Variants in GPC5 observed in about 807,000 individuals in gnomAD.
The protein encoded by GPC5 is glypican-5.
GPC5 carries 47 observed loss-of-function variants against 53.9 expected under a neutral mutation model. That is an observed-to-expected ratio of 0.87 (90% CI 0.69 to 1.11). GPC5 has a LOEUF of 1.11. Among genes scored for constraint, GPC5 ranks in the 50% most tolerant of loss-of-function variants. GPC5 has a pLI of 0.00. For synonymous variants in GPC5, 286 were observed against 263.3 expected, an observed-to-expected ratio of 1.09 and a Z score of -0.84; for missense variants, 748 against 713.1, an observed-to-expected ratio of 1.05 and a Z score of -0.56.
intron 5 of GPC5, among the ~76,000 whole-genome samples, chr13:91,788,744 A>C (rs1278315311): frequency 6.6e-6 from 1 of 152,176 alleles, no homozygotes; most frequent in Non-Finnish European, 1.5e-5. Context: ...TAAGTGTATA[A>C]ATAGAGGTGG....
intron 7 of GPC5, among the ~76,000 whole-genome samples, chr13:92,387,010 T>C (rs377180590): frequency 2.8e-4 from 43 of 152,194 alleles, no homozygotes; most frequent in African/African-American, 1.0e-3. Flanking sequence ...TCACTAACTT[T>C]AGTAGAATTA....
Position 91,851,499 on chromosome 13 carries a change from CT to C in GPC5, c.1281-56428del, listed in dbSNP as rs147724402. Among the ~76,000 whole-genome samples, 245 of 148,306 alleles carry C rather than the reference CT, an allele frequency of 1.7e-3. 1 individual carries two copies. Among genetic ancestry groups the C allele is most frequent in the African/African-American group, 4.0e-3 (161 of 40,428 alleles). ...CTACAATAAATTTAGAATACGTTTT[CT>C]TTTTTTTTTATTATTATACTTCAAG... On this transcript the variant is annotated intron_variant, in intron 5 of 7. Transcript: ENST00000377067.
chr13:91,853,245 G>T (rs1040664350), intron 5 of GPC5, among the ~76,000 whole-genome samples: 1 of 150,164 alleles, frequency 6.7e-6, no homozygotes, highest in Non-Finnish European at 1.5e-5. Context: ...CAAGTTTTTT[G>T]GGGGGTTTCT....
intron 7 of GPC5, among the ~76,000 whole-genome samples, chr13:92,516,088 C>T (rs1219741778): frequency 6.6e-6 from 1 of 152,040 alleles, no homozygotes; most frequent in East Asian, 1.9e-4. Flanking sequence ...GAGACCCTTT[C>T]TCAGTATTTA....
At position 92,159,350 on chromosome 13, in the gene GPC5, T is replaced by C. The variant is rs75087291; in HGVS notation, c.1561+14361T>C. Among the ~76,000 whole-genome samples, 302 of 152,274 alleles carry C rather than the reference T, an allele frequency of 2.0e-3. 2 individuals are homozygous for C. Among genetic ancestry groups the C allele is most frequent in the African/African-American group, 6.7e-3 (280 of 41,570 alleles). The stretch of plus-strand genomic sequence containing the variant: ...AGCCTCCAGACATGTTTAGCTCTTA[T>C]ATTAGCAGCTAGGATAAACCCGTTG... On this transcript the variant is annotated intron_variant, in intron 7 of 7. Coordinates refer to ENST00000377067, the MANE Select transcript of GPC5 (RefSeq NM_004466.6).
chr13:91,437,578 C>G (rs1880080106), intron 1 of GPC5, among the ~76,000 whole-genome samples: 1 of 151,850 alleles, frequency 6.6e-6, no homozygotes, highest in African/African-American at 2.4e-5. Context: ...ATGGGCTTCC[C>G]TTTGCAGGTA....
In GPC5 at chr13:91,693,788, A is replaced by T. The variant is rs1432128244; in HGVS notation, c.927A>T (p.Thr309=). 1.9e-6 allele frequency: 3 copies of T among 1,613,978 alleles called. No individual in the cohort carries two copies. The highest frequency in any genetic ancestry group is 2.7e-5 in the African/African-American group (2 of 74,928). Residue 309 remains threonine, a synonymous_variant, in exon 3 of 8, where the codon ACA becomes ACT. Transcript: ENST00000377067. ...LEELSDAMHG[T]YDIGHVLLNF... ...AACTCTCGGATGCAATGCATGGAAC[A>T]TACGACATTGGACACGTGCTGCTGA...
chr13:92,568,957 A>G (rs1882941470), intron 7 of GPC5, among the ~76,000 whole-genome samples: 1 of 151,862 alleles, frequency 6.6e-6, no homozygotes, highest in Admixed American at 6.6e-5. Flanking sequence ...TTTAACTTTT[A>G]GGGTACATGT....
chr13:92,414,755 C>T (rs1408904929), intron 7 of GPC5, among the ~76,000 whole-genome samples: 1 of 152,108 alleles, frequency 6.6e-6, no homozygotes, highest in African/African-American at 2.4e-5. Context: ...AAGAGAAAGG[C>T]AGTGGTAGAT....
chr13:91,524,572 C>T (rs1885997916), intron 2 of GPC5, among the ~76,000 whole-genome samples: 1 of 152,016 alleles, frequency 6.6e-6, no homozygotes, highest in African/African-American at 2.4e-5. Flanking sequence ...TGTTCATATA[C>T]TGATTAGTGG....
In GPC5 at chr13:92,351,730, T is replaced by G. The variant is rs974152581; in HGVS notation, c.1561+206741T>G. Among the ~76,000 whole-genome samples the G allele has an allele frequency of 2.6e-5, 4 of 152,110 alleles. No individual in the cohort carries two copies. In the East Asian group the frequency reaches 7.7e-4, roughly 29 times the overall value. On this transcript the variant is annotated intron_variant, in intron 7 of 7. Transcript: ENST00000377067. ...TATACAAAGGCAGCAAACTAGAAAG[T>G]TTAATTAAAGATAATATATAACTTA...
chr13:91,905,647 A>G (rs1019306962), intron 5 of GPC5, among the ~76,000 whole-genome samples: 15 of 152,074 alleles, frequency 9.9e-5, no homozygotes, highest in Admixed American at 2.0e-4. Flanking sequence ...GAAGAACTGG[A>G]TATTTATTGA....
At chr13:91,808,748 G>A (rs984218914) in intron 5 of GPC5, among the ~76,000 whole-genome samples, 1 of 152,070 alleles carries the variant, frequency 6.6e-6, no homozygotes, top group African/African-American at 2.4e-5. Context: ...CTTAGGACAC[G>A]GCTTGTCATT....
chr13:92,168,009 A>G (rs1055732826), intron 7 of GPC5, among the ~76,000 whole-genome samples: 2 of 152,164 alleles, frequency 1.3e-5, no homozygotes, highest in Admixed American at 1.3e-4. Flanking sequence ...GCTTACTGGG[A>G]TAGCTGTCAC....
intron 7 of GPC5, among the ~76,000 whole-genome samples, chr13:92,623,100 G>C (rs1441959720): frequency 6.6e-6 from 1 of 151,812 alleles, no homozygotes; most frequent in African/African-American, 2.4e-5. Flanking sequence ...TGGGAGGCGG[G>C]GGTTGCAGTG....
At chr13:91,493,960 G>T (rs1043857404) in intron 2 of GPC5, among the ~76,000 whole-genome samples, 8 of 151,788 alleles carry the variant, frequency 5.3e-5, no homozygotes, top group African/African-American at 1.9e-4. Context: ...TGCAACCTCC[G>T]CCTCCCTGGT....
chr13:91,632,946 G>A (rs1437520890), intron 2 of GPC5, among the ~76,000 whole-genome samples: 1 of 152,132 alleles, frequency 6.6e-6, no homozygotes, highest in Admixed American at 6.6e-5. Flanking sequence ...GTGAGAGTTA[G>A]TTATCATAGC....
At chr13:91,537,973 C>T (rs1886665830) in intron 2 of GPC5, among the ~76,000 whole-genome samples, 1 of 152,200 alleles carries the variant, frequency 6.6e-6, no homozygotes, top group South Asian at 2.1e-4. Flanking sequence ...GTGGAAACAA[C>T]TCAAATGGTC....
intron 7 of GPC5, among the ~76,000 whole-genome samples, chr13:92,783,026 A>ATCTT (rs1331904913): frequency 1.3e-5 from 2 of 152,174 alleles, no homozygotes. Flanking sequence ...TATTTTACTA[A>ATCTT]TCTTTCAGTA....
Sources: allele counts gnomAD v4.1 joint callset (sites outside exome capture counted in the v4.1 genomes callset), GRCh38; gene constraint gnomAD v4.1.1; transcripts MANE v1.5; gene names NCBI Gene and HGNC (gene_info 2026-07-23, HGNC 2026-07-21).